Variants in NCOA1 observed in about 807,000 individuals in gnomAD.
NCOA1 encodes Hin-2 protein.
Under a neutral mutation model 150.9 loss-of-function variants are expected in NCOA1, and 35 were observed. That is an observed-to-expected ratio of 0.23 (90% confidence interval 0.18 to 0.31). The LOEUF is 0.31. Among genes scored for constraint, NCOA1 ranks in the 10% least tolerant of loss-of-function variants. The pLI, the probability that NCOA1 is intolerant of heterozygous loss-of-function variation, is 1.00. For synonymous variants in NCOA1, 590 were observed against 630.0 expected, an observed-to-expected ratio of 0.94 and a Z score of 0.95; for missense variants, 1,491 against 1,749.3, an observed-to-expected ratio of 0.85 and a Z score of 2.63.
rs917782053 is a variant in NCOA1 at position 24,695,577 on chromosome 2, G to A, written c.809-2081G>A. Among the ~76,000 whole-genome samples the A allele has an allele frequency of 5.3e-5, 8 of 151,968 alleles. No homozygotes were observed. The South Asian group carries it at 1.0e-3, about 20-fold the overall frequency. On this transcript the variant is annotated intron_variant, in intron 10 of 22. Coordinates refer to ENST00000348332, the MANE Select transcript of NCOA1 (RefSeq NM_003743.5). ...GAATTGACTTAGCTAAAAAGAATAAGTATAATAAATGTTAAACATTTAATT... is the reference window on the plus strand; with the variant it reads ...GAATTGACTTAGCTAAAAAGAATAAATATAATAAATGTTAAACATTTAATT...
chr2:24,494,401 T>G (rs1047975547), intron 1 of NCOA1, among the ~76,000 whole-genome samples: 1 of 152,208 alleles, frequency 6.6e-6, no homozygotes, highest in Non-Finnish European at 1.5e-5. Context: ...CCACATTGTT[T>G]GAATGTTATG....
At chr2:24,686,102 A>G (rs1672390467) in intron 8 of NCOA1, among the ~76,000 whole-genome samples, 1 of 152,148 alleles carries the variant, frequency 6.6e-6, no homozygotes, top group African/African-American at 2.4e-5. Flanking sequence ...CCTGGGTTCA[A>G]GCAATTTTCC....
intron 7 of NCOA1, among the ~76,000 whole-genome samples, chr2:24,673,798 T>C (rs1332833659): frequency 3.3e-5 from 5 of 152,248 alleles, no homozygotes; most frequent in Admixed American, 1.3e-4. Flanking sequence ...GCTAGTGTTA[T>C]CTATATGTAT....
chr2:24,509,148 G>T lies in NCOA1; in HGVS notation c.-396+17546G>T, dbSNP rs141378550. Among the ~76,000 whole-genome samples the T allele has an allele frequency of 1.7e-4, 26 of 152,274 alleles. No homozygotes were observed. In the East Asian group the frequency reaches 4.4e-3, roughly 26 times the overall value. On this transcript the variant is annotated intron_variant, in intron 1 of 22. Transcript: ENST00000348332. ...GCTACATTCACTTAGTGCTTGTTTT[G>T]TACCAGATTATGTGCTAAGTGCTTT...
intron 19 of NCOA1, among the ~76,000 whole-genome samples, chr2:24,742,629 G>T (rs944189093): frequency 2.3e-4 from 31 of 137,096 alleles, no homozygotes; most frequent in African/African-American, 4.3e-4. Context: ...GCTAATTTTT[G>T]TTTTTTTTTT....
rs570472900 is a variant in NCOA1 at position 24,546,028 on chromosome 2, A to G, written c.-395-18267A>G. 9.2e-5 allele frequency among the ~76,000 whole-genome samples: 14 copies of G among 152,270 alleles called. No homozygotes were observed. In the East Asian group the frequency reaches 2.3e-3, roughly 25 times the overall value. ...GGTCTTGAACTCCTGACCTCAGGTG[A>G]TCCACCTGCTTTGGCCTCCCAAAGT... On this transcript the variant is annotated intron_variant, in intron 1 of 22. Transcript: ENST00000348332.
rs553909130 is a variant in NCOA1 at position 24,538,290 on chromosome 2, C to T, written c.-395-26005C>T. Among the ~76,000 whole-genome samples the T allele has an allele frequency of 7.2e-5, 11 of 152,234 alleles. No individual in the cohort carries two copies. In the South Asian group the frequency reaches 1.7e-3, roughly 23 times the overall value. ...CAAAAGCAAGTCTTGGCAGAATGCT[C>T]ATAGACTAAAATTGAGGCAATAGTG... is the stretch of plus-strand genomic sequence containing the variant. On this transcript the variant is annotated intron_variant, in intron 1 of 22. Coordinates refer to ENST00000348332, the MANE Select transcript of NCOA1 (RefSeq NM_003743.5).
intron 3 of NCOA1, among the ~76,000 whole-genome samples, chr2:24,641,795 AT>A (rs542176641): frequency 5.3e-5 from 8 of 150,710 alleles, no homozygotes; most frequent in African/African-American, 1.7e-4. Flanking sequence ...TTTTGTCTTA[AT>A]TTTTTTTTAG....
intron 1 of NCOA1, among the ~76,000 whole-genome samples, chr2:24,504,273 C>T (rs531047532): frequency 2.6e-5 from 4 of 152,252 alleles, no homozygotes; most frequent in Admixed American, 6.5e-5. Context: ...ATGATAAAAG[C>T]GTTTTTAGTT....
intron 3 of NCOA1, among the ~76,000 whole-genome samples, chr2:24,639,371 G>C (rs538999401): frequency 6.6e-6 from 1 of 151,968 alleles, no homozygotes; most frequent in African/African-American, 2.4e-5. Flanking sequence ...CACTATATTT[G>C]TATGATCTGT....
At chr2:24,675,754 G>A (rs1056618220) in intron 7 of NCOA1, among the ~76,000 whole-genome samples, 5 of 152,092 alleles carry the variant, frequency 3.3e-5, no homozygotes, top group African/African-American at 9.7e-5. Context: ...GCATGGTGGT[G>A]AGCGCCTGTA....
chr2:24,744,975 C>G (rs1269817706), intron 19 of NCOA1, among the ~76,000 whole-genome samples: 2 of 152,064 alleles, frequency 1.3e-5, no homozygotes. Flanking sequence ...TGCTTTATAT[C>G]CTTTGCCTTA....
chr2:24,745,973 C>T (rs1297946358), intron 19 of NCOA1, among the ~76,000 whole-genome samples: 1 of 152,210 alleles, frequency 6.6e-6, no homozygotes, highest in African/African-American at 2.4e-5. Context: ...GCAGAGTCTT[C>T]CTGGACACTC....
intron 3 of NCOA1, among the ~76,000 whole-genome samples, chr2:24,608,421 C>T (rs947023281): frequency 2.6e-5 from 4 of 151,354 alleles, no homozygotes; most frequent in Non-Finnish European, 5.9e-5. Context: ...GCTGGGACTA[C>T]AAGCACGTGC....
intron 8 of NCOA1, among the ~76,000 whole-genome samples, chr2:24,685,380 A>G (rs1316180127): frequency 2.0e-5 from 3 of 152,238 alleles, no homozygotes; most frequent in Non-Finnish European, 4.4e-5. Flanking sequence ...GGATATACTT[A>G]TACTTGCACA....
At chr2:24,510,908 G>A (rs1391186644) in intron 1 of NCOA1, among the ~76,000 whole-genome samples, 1 of 152,076 alleles carries the variant, frequency 6.6e-6, no homozygotes, top group Non-Finnish European at 1.5e-5. Context: ...GCAGCTTTTA[G>A]TATATTCACA....
chr2:24,754,312 C>G (rs1012992841), intron 20 of NCOA1, among the ~76,000 whole-genome samples: 1 of 152,180 alleles, frequency 6.6e-6, no homozygotes, highest in Non-Finnish European at 1.5e-5. Context: ...CCATCTTACT[C>G]AAAATACAGA....
chr2:24,669,011 G>A (rs922777817), intron 6 of NCOA1, among the ~76,000 whole-genome samples: 3 of 152,056 alleles, frequency 2.0e-5, no homozygotes, highest in African/African-American at 7.3e-5. Context: ...TTAAATATTG[G>A]TTACGCAAAA....
In NCOA1 at chr2:24,758,004, A is replaced by G. The variant is rs1664586108; in HGVS notation, c.3913A>G (p.Thr1305Ala). The change falls in exon 21 of 23, where the codon ACG becomes GCG. Residue 1305 changes from threonine to alanine, a missense_variant. Thr to Ala is a moderately conservative substitution (Grantham distance 58). This residue lies in a region of NCOA1 where 485 missense variants were observed against 522.8 expected (regional missense o/e 0.93). Transcript: ENST00000348332. ...CAGTCAAGCTGTCCAGAACCAGCCC[A>G]CGCCTGCACAGCCAGGAGTATACAA... ...VFSQAVQNQPTPAQPGVYNNM... is the reference protein window; with the variant it reads ...VFSQAVQNQPAPAQPGVYNNM... 6.2e-7 allele frequency: 1 copy of G among 1,614,144 alleles called. No individual in the cohort carries two copies. The highest frequency in any genetic ancestry group is 1.3e-5 in the African/African-American group (1 of 75,040).
Sources: gnomAD v4.1 joint callset for allele counts (sites outside exome capture counted in the v4.1 genomes callset) on GRCh38, gnomAD v4.1.1 for gene constraint, gnomAD v4.1.1 regional missense constraint, MANE v1.5 for transcripts, NCBI Gene and HGNC (gene_info 2026-07-23, HGNC 2026-07-21) for gene names.